TRPC6: variants seen among roughly 807,000 people sequenced by gnomAD.
TRPC6 encodes the protein transient receptor potential cation channel subfamily C member 6, also known as short transient receptor potential channel 6.
Under a neutral mutation model 90.7 loss-of-function variants are expected in TRPC6, and 55 were observed. The ratio of observed to expected loss-of-function variants is 0.61; its 90% CI spans 0.49 to 0.76. TRPC6 has a LOEUF of 0.76. Ranked by LOEUF, TRPC6 falls within the 30% of genes least tolerant of loss-of-function variation. The pLI is 0.00. For missense variants in TRPC6, 989 were observed against 1,122.7 expected (o/e 0.88, Z 1.70); for synonymous variants, 393 against 393.0 (o/e 1.00, Z 0.00).
intron 1 of TRPC6, among the ~76,000 whole-genome samples, chr11:101,549,726 TG>T (rs1303140968): frequency 6.7e-6 from 1 of 149,428 alleles, no homozygotes; most frequent in Non-Finnish European, 1.5e-5. Context: ...AAAACACAAA[TG>T]AAAAAATGTC....
chr11:101,520,822 G>T (rs1195543130), intron 1 of TRPC6, among the ~76,000 whole-genome samples: 1 of 152,190 alleles, frequency 6.6e-6, no homozygotes, highest in Non-Finnish European at 1.5e-5. Context: ...TTAGGGGACT[G>T]TGGAACTTTG....
intron 2 of TRPC6, among the ~76,000 whole-genome samples, chr11:101,493,576 C>T (rs1218034986): frequency 6.6e-6 from 1 of 152,138 alleles, no homozygotes; most frequent in African/African-American, 2.4e-5. Context: ...TTGTAGAGTA[C>T]TTTTCTACTT....
chr11:101,467,407 T>C (rs1304562536), intron 10 of TRPC6, among the ~76,000 whole-genome samples: 1 of 152,216 alleles, frequency 6.6e-6, no homozygotes, highest in Non-Finnish European at 1.5e-5. Context: ...AGCTATTACA[T>C]ACCCACTATG....
At chr11:101,540,578 A>G (rs1376596449) in intron 1 of TRPC6, among the ~76,000 whole-genome samples, 1 of 152,190 alleles carries the variant, frequency 6.6e-6, no homozygotes. Flanking sequence ...AAGGCAACTC[A>G]ATGTATAATT....
chr11:101,530,147 C>T (rs1250767240), intron 1 of TRPC6, among the ~76,000 whole-genome samples: 1 of 152,142 alleles, frequency 6.6e-6, no homozygotes, highest in Non-Finnish European at 1.5e-5. Flanking sequence ...GGGAGACACA[C>T]CCATCTGTGC....
At chr11:101,485,672 T>A (rs1039113416) in intron 4 of TRPC6, among the ~76,000 whole-genome samples, 1 of 152,112 alleles carries the variant, frequency 6.6e-6, no homozygotes, top group Non-Finnish European at 1.5e-5. Flanking sequence ...AAGTTATTTA[T>A]CACCTGCCTG....
chr11:101,533,294 T>C (rs1456112898), intron 1 of TRPC6, among the ~76,000 whole-genome samples: 2 of 152,134 alleles, frequency 1.3e-5, no homozygotes, highest in African/African-American at 4.8e-5. Flanking sequence ...CTCACGAGGC[T>C]TCCAATCATG....
chr11:101,484,748 T>C (rs1246716867), intron 4 of TRPC6, among the ~76,000 whole-genome samples: 2 of 151,970 alleles, frequency 1.3e-5, no homozygotes, highest in African/African-American at 2.4e-5. Context: ...TATTTACATA[T>C]AACCTAGGCA....
chr11:101,565,912 A>AT (rs890245054), intron 1 of TRPC6, among the ~76,000 whole-genome samples: 1 of 152,152 alleles, frequency 6.6e-6, no homozygotes, highest in Admixed American at 6.5e-5. Context: ...TAATTAAAAC[A>AT]TTTTTTAATC....
chr11:101,455,225 A>G, intron 10 of TRPC6, 124 bp from the exon 11 acceptor site: 1 of 763,482 alleles, frequency 1.3e-6, no homozygotes, highest in Non-Finnish European at 2.2e-6. Flanking sequence ...GTATAGTGCC[A>G]TTTATCTTGC....
At chr11:101,557,508 G>A (rs1358701290) in intron 1 of TRPC6, among the ~76,000 whole-genome samples, 1 of 152,082 alleles carries the variant, frequency 6.6e-6, no homozygotes, top group Non-Finnish European at 1.5e-5. Context: ...GAGCTTACCA[G>A]AGCAATTAGG....
intron 4 of TRPC6, among the ~76,000 whole-genome samples, chr11:101,488,193 G>A (rs1488340320): frequency 6.6e-6 from 1 of 152,132 alleles, no homozygotes; most frequent in African/African-American, 2.4e-5. Flanking sequence ...TGAAGAATAG[G>A]CTTGTTAGCA....
chr11:101,526,205 T>C (rs186275174), intron 1 of TRPC6, among the ~76,000 whole-genome samples: 1,683 of 152,254 alleles, frequency 0.011, 38 homozygotes, highest in African/African-American at 0.038. Flanking sequence ...TGACCACTCA[T>C]AGGCATGATG....
intron 1 of TRPC6, among the ~76,000 whole-genome samples, chr11:101,558,226 CATGTATATGG>C (rs1861610621): frequency 1.2e-5 from 1 of 85,204 alleles, no homozygotes; most frequent in Non-Finnish European, 2.4e-5. Flanking sequence ...TATATGTATA[CATGTATATGG>C]GTATACATGT....
At position 101,557,883 on chromosome 11, in the gene TRPC6, A is replaced by G. The variant is rs1313125136; in HGVS notation, c.170+25451T>C. 3.3e-5 allele frequency among the ~76,000 whole-genome samples: 5 copies of G among 152,268 alleles called. No individual in the cohort carries two copies. The East Asian group carries it at 7.7e-4, about 24-fold the overall frequency. ...AATTGAGGAAGATACAAATAAATGG[A>G]AAGATATTCCATGTTCATAGATTAC... On this transcript the variant is annotated intron_variant, in intron 1 of 12. Coordinates refer to ENST00000344327, the MANE Select transcript of TRPC6 (RefSeq NM_004621.6).
intron 5 of TRPC6, among the ~76,000 whole-genome samples, 160 bp downstream of exon 5, chr11:101,482,789 C>A (rs1206130218): frequency 6.6e-6 from 1 of 152,102 alleles, no homozygotes; most frequent in Non-Finnish European, 1.5e-5. Context: ...GATAATGAAC[C>A]CAAGGCAACT....
chr11:101,473,713 G>A lies in TRPC6; in HGVS notation c.1805C>T (p.Ala602Val). Reference protein sequence around the residue: ...QIISEGLYAIAVVLSFSRIAY... With the variant: ...QIISEGLYAIVVVLSFSRIAY... ...TATCCTAGAGAAACTTAAAACTACA[G>A]CAATTGCATAAAGACCTTCAGATAT... Residue 602 changes from alanine (A) to valine (V), a missense_variant, in exon 7 of 13, where the codon GCT becomes GTT. Transcript: ENST00000344327. 6.2e-7 allele frequency: 1 copy of A among 1,613,756 alleles called. No individual in the cohort carries two copies. Among genetic ancestry groups the A allele is most frequent in the Non-Finnish European group, 8.5e-7 (1 of 1,179,768 alleles).
chr11:101,455,040 T>C lies in TRPC6; in HGVS notation c.2546A>G (p.Asn849Ser), dbSNP rs762633225. 10 of 1,612,364 alleles carry C rather than the reference T, an allele frequency of 6.2e-6. No homozygotes were observed. The South Asian group carries it at 6.6e-5, about 11-fold the overall frequency. ...TACCTGATATTGTCTTGGAGGATTA[T>C]TGAAACTATTTAGATGGAAATCTTC... ...SSEDFHLNSF[N>S]NPPRQYQKIM... Residue 849 changes from asparagine (N) to serine (S), a missense_variant, in exon 11 of 13, where the codon AAT becomes AGT. Physicochemically the swap from Asn to Ser is conservative, Grantham distance 46 (BLOSUM62 1). Transcript: ENST00000344327.
In TRPC6 at chr11:101,504,438, C is replaced by T. The variant is rs772039594; in HGVS notation, c.531G>A (p.Val177=). 3 of 1,614,074 alleles carry T rather than the reference C, an allele frequency of 1.9e-6. No homozygotes were observed. In the South Asian group the frequency reaches 3.3e-5, roughly 18 times the overall value. ...LAISKGYVRI[V]EAILSHPAFA... is the part of the protein sequence containing the mutation. Reference sequence around the variant, plus strand: ...AAGCCGGATGACTGAGAATTGCTTCCACAATCCGAACATAACCTTTACTAA... The same window carrying T: ...AAGCCGGATGACTGAGAATTGCTTCTACAATCCGAACATAACCTTTACTAA... Residue 177 remains valine, a synonymous_variant, in exon 2 of 13, where the codon GTG becomes GTA. Coordinates refer to ENST00000344327, the MANE Select transcript of TRPC6 (RefSeq NM_004621.6).
Sources: allele counts gnomAD v4.1 joint callset (sites outside exome capture counted in the v4.1 genomes callset), GRCh38; gene constraint gnomAD v4.1.1; transcripts MANE v1.5; gene names NCBI Gene and HGNC (gene_info 2026-07-23, HGNC 2026-07-21).